Variants in RALGAPA1 observed in about 807,000 individuals in gnomAD.
RALGAPA1 encodes ral GTPase-activating protein subunit alpha-1.
In RALGAPA1, 52 loss-of-function variants were observed where a neutral mutation model predicts 269.6. The ratio of observed to expected loss-of-function variants is 0.19; its 90% CI spans 0.15 to 0.24. The LOEUF is 0.24. Among genes scored for constraint, RALGAPA1 ranks in the 10% least tolerant of loss-of-function variants. The pLI, the probability that RALGAPA1 is intolerant of heterozygous loss-of-function variation, is 1.00. For missense variants in RALGAPA1, 1,917 were observed against 3,013.9 expected, an observed-to-expected ratio of 0.64 and a Z score of 8.52; for synonymous variants, 817 against 1,008.3, an observed-to-expected ratio of 0.81 and a Z score of 3.60.
intron 9 of RALGAPA1, 21 bp downstream of exon 9, chr14:35,750,458 AGGC>A (rs2072574204): frequency 6.3e-7 from 1 of 1,595,256 alleles, no homozygotes; most frequent in Admixed American, 1.7e-5. Flanking sequence ...TAACTTTAAC[AGGC>A]CTGCCTCATT....
intron 39 of RALGAPA1, among the ~76,000 whole-genome samples, chr14:35,569,604 C>G (rs2057001166): frequency 6.6e-6 from 1 of 152,166 alleles, no homozygotes; most frequent in Non-Finnish European, 1.5e-5. Flanking sequence ...AAGTTATGCT[C>G]TTAAACATTC....
chr14:35,764,418 T>C (rs141881753), intron 4 of RALGAPA1, among the ~76,000 whole-genome samples: 2 of 152,286 alleles, frequency 1.3e-5, no homozygotes, highest in African/African-American at 4.8e-5. Flanking sequence ...ATGGAGTTCC[T>C]TCTGTATTAC....
chr14:35,618,029 C>A (rs1182629262), intron 35 of RALGAPA1, among the ~76,000 whole-genome samples: 1 of 151,742 alleles, frequency 6.6e-6, no homozygotes, highest in African/African-American at 2.4e-5. Flanking sequence ...TAAAATTTTC[C>A]CAAGAGCTAA....
At position 35,742,625 on chromosome 14, in the gene RALGAPA1, C is replaced by T. The variant is rs1258786823; in HGVS notation, c.1252-60G>A. The T allele has an allele frequency of 1.4e-5, 17 of 1,179,774 alleles. No individual in the cohort carries two copies. In the East Asian group the frequency reaches 1.9e-4, roughly 13 times the overall value. 73.1% of individuals were successfully genotyped at this position (1,179,774 alleles called of 1,614,324 possible). On this transcript the variant is annotated intron_variant, in intron 10 of 41. Coordinates refer to ENST00000680220, the MANE Select transcript of RALGAPA1 (RefSeq NM_001346249.2). ...TTTTTCCTTTGCCACAAACCACTAA[C>T]GCAGTAATGTTTTTCACATCACATC...
intron 21 of RALGAPA1, among the ~76,000 whole-genome samples, chr14:35,678,838 G>T (rs1365498745): frequency 6.6e-6 from 1 of 152,048 alleles, no homozygotes; most frequent in Non-Finnish European, 1.5e-5. Flanking sequence ...TTTCGGCCTG[G>T]TTAACTCCTA....
At chr14:35,808,582 G>C in intron 1 of RALGAPA1, 148 bp downstream of exon 1, 1 of 787,338 alleles carries the variant, frequency 1.3e-6, no homozygotes, top group Non-Finnish European at 2.0e-6. Context: ...TCGCTTCTCC[G>C]AATTATTCAC....
intron 39 of RALGAPA1, among the ~76,000 whole-genome samples, chr14:35,568,150 G>A (rs954103529): frequency 1.3e-5 from 2 of 152,028 alleles, no homozygotes; most frequent in African/African-American, 4.8e-5. Flanking sequence ...AAACTACAAA[G>A]CTTTTATGGA....
intron 39 of RALGAPA1, among the ~76,000 whole-genome samples, chr14:35,566,221 G>A (rs1187217689): frequency 1.3e-5 from 2 of 152,154 alleles, no homozygotes; most frequent in Non-Finnish European, 2.9e-5. Context: ...TGCAGCGAAG[G>A]AGAGGTTTCA....
intron 28 of RALGAPA1, among the ~76,000 whole-genome samples, chr14:35,657,081 C>A (rs1471673996): frequency 1.3e-5 from 2 of 151,966 alleles, no homozygotes; most frequent in African/African-American, 4.8e-5. Context: ...GTTTCCTACA[C>A]CCCCCCTCCA....
chr14:35,683,576 T>C, intron 21 of RALGAPA1: 1 of 370,664 alleles, frequency 2.7e-6, no homozygotes, highest in East Asian at 4.5e-5. Context: ...TGCATATATA[T>C]ACAAAATATT....
In RALGAPA1 at chr14:35,741,020, T is replaced by C. The variant is rs1451185253; in HGVS notation, c.1449+1348A>G. ...GCACTTCGAAAAACCACATCTCTAA[T>C]GGCAGCCAGTGCTGGTTACACTACT... On this transcript the variant is annotated intron_variant, in intron 11 of 41. Coordinates refer to ENST00000680220, the MANE Select transcript of RALGAPA1 (RefSeq NM_001346249.2). Among the ~76,000 whole-genome samples, 4 of 152,294 alleles carry C rather than the reference T, an allele frequency of 2.6e-5. No individual in the cohort carries two copies. The East Asian group carries it at 7.7e-4, about 29-fold the overall frequency.
At chr14:35,782,848 G>T (rs953068532) in intron 1 of RALGAPA1, among the ~76,000 whole-genome samples, 2 of 150,998 alleles carry the variant, frequency 1.3e-5, no homozygotes, top group African/African-American at 4.9e-5. Context: ...TTTTTAAATG[G>T]AGTCTCGCTG....
At chr14:35,654,665 T>G (rs2063059196) in intron 29 of RALGAPA1, among the ~76,000 whole-genome samples, 188 bp from the exon 30 acceptor site, 1 of 152,198 alleles carries the variant, frequency 6.6e-6, no homozygotes, top group Non-Finnish European at 1.5e-5. Flanking sequence ...CATACAACTT[T>G]AATTTTCCTT....
intron 41 of RALGAPA1, among the ~76,000 whole-genome samples, chr14:35,543,616 A>C (rs1260137821): frequency 6.6e-6 from 1 of 152,188 alleles, no homozygotes; most frequent in East Asian, 1.9e-4. Context: ...TGAATATCAT[A>C]AAGGAAATAA....
intron 4 of RALGAPA1, 112 bp downstream of exon 4, chr14:35,770,830 C>T: frequency 5.1e-6 from 2 of 391,170 alleles, no homozygotes; most frequent in Non-Finnish European, 9.5e-6. Flanking sequence ...TCTTTATTTT[C>T]TTTTTATTAA....
intron 3 of RALGAPA1, among the ~76,000 whole-genome samples, chr14:35,772,348 A>T (rs958921328): frequency 1.3e-5 from 2 of 152,212 alleles, no homozygotes; most frequent in Non-Finnish European, 2.9e-5. Flanking sequence ...GAGCCACTGC[A>T]CCCGGACAGA....
At chr14:35,668,446 G>A (rs2064134194) in intron 26 of RALGAPA1, among the ~76,000 whole-genome samples, 2 of 151,602 alleles carry the variant, frequency 1.3e-5, no homozygotes, top group Admixed American at 1.3e-4. Context: ...TCGCATTACT[G>A]CACTCCAGTC....
intron 16 of RALGAPA1, among the ~76,000 whole-genome samples, chr14:35,704,607 G>A (rs2067644098): frequency 6.6e-6 from 1 of 152,088 alleles, no homozygotes. Flanking sequence ...TGACAAAACT[G>A]TTACTTTGCA....
At chr14:35,559,909 A>G (rs1301085960) in intron 39 of RALGAPA1, among the ~76,000 whole-genome samples, 1 of 152,238 alleles carries the variant, frequency 6.6e-6, no homozygotes, top group Non-Finnish European at 1.5e-5. Flanking sequence ...GTCTATCATA[A>G]GAAATATGAA....
Sources: allele counts gnomAD v4.1 joint callset (sites outside exome capture counted in the v4.1 genomes callset), GRCh38; gene constraint gnomAD v4.1.1; transcripts MANE v1.5; gene names NCBI Gene and HGNC (gene_info 2026-07-23, HGNC 2026-07-21).